The following TAF3 variants were observed in gnomAD, a reference collection of about 807,000 sequenced individuals.
TAF3 encodes transcription initiation factor TFIID subunit 3.
Under a neutral mutation model 80.6 loss-of-function variants are expected in TAF3, and 7 were observed. The ratio of observed to expected loss-of-function variants is 0.09; its 90% confidence interval spans 0.05 to 0.16. The LOEUF (loss-of-function observed/expected upper bound fraction) is 0.16. Among genes scored for constraint, TAF3 ranks in the 10% least tolerant of loss-of-function variants. TAF3 has a pLI of 1.00. For synonymous variants in TAF3, 444 were observed against 446.1 expected, an observed-to-expected ratio of 1.00 and a Z score of 0.06; for missense variants, 921 against 1,140.2, an observed-to-expected ratio of 0.81 and a Z score of 2.77.
intron 2 of TAF3, among the ~76,000 whole-genome samples, chr10:7,896,641 CCTTCAGTATTGAGCTTT>C (rs1325585069): frequency 7.2e-5 from 11 of 152,284 alleles, no homozygotes; most frequent in African/African-American, 2.6e-4. Flanking sequence ...GATACTTTTT[CCTTCAGTATTGAGCTTT>C]TAGGAAAAGA....
At chr10:7,845,299 C>T (rs1564346015) in intron 2 of TAF3, among the ~76,000 whole-genome samples, 1 of 151,368 alleles carries the variant, frequency 6.6e-6, no homozygotes, top group Non-Finnish European at 1.5e-5. Flanking sequence ...CGCCGCCCTC[C>T]AGGTCTTTGT....
chr10:7,988,960 T>A (rs937682252), intron 4 of TAF3, among the ~76,000 whole-genome samples: 2 of 152,112 alleles, frequency 1.3e-5, no homozygotes, highest in African/African-American at 4.8e-5. Flanking sequence ...GTAAAAAAAA[T>A]GTGTGTCCTA....
At chr10:7,882,838 A>G (rs2131155949) in intron 2 of TAF3, among the ~76,000 whole-genome samples, 1 of 152,360 alleles carries the variant, frequency 6.6e-6, no homozygotes, top group Non-Finnish European at 1.5e-5. Context: ...GAATAGCACA[A>G]AGAATTCCTA....
intron 2 of TAF3, among the ~76,000 whole-genome samples, chr10:7,950,264 G>C (rs928877432): frequency 1.3e-5 from 2 of 152,184 alleles, no homozygotes; most frequent in African/African-American, 2.4e-5. Context: ...TAAAGGGAGA[G>C]AGATAGAGAA....
chr10:7,921,961 T>C (rs1837766914), intron 2 of TAF3, among the ~76,000 whole-genome samples: 1 of 152,132 alleles, frequency 6.6e-6, no homozygotes, highest in African/African-American at 2.4e-5. Flanking sequence ...TTAATAGATA[T>C]ATTGAAATAT....
At chr10:7,959,741 A>G (rs1373122447) in intron 2 of TAF3, among the ~76,000 whole-genome samples, 2 of 152,246 alleles carry the variant, frequency 1.3e-5, no homozygotes, top group African/African-American at 4.8e-5. Context: ...CCTTCATTCA[A>G]AGGCCTATCT....
chr10:7,856,858 C>CAAAAAAAAAAA lies in TAF3; in HGVS notation c.409+32310_409+32320dup, dbSNP rs57207229. On this transcript the variant is annotated intron_variant, in intron 2 of 6. Coordinates refer to ENST00000344293, the MANE Select transcript of TAF3 (RefSeq NM_031923.4). ...TGGTAAATGTTTAACAGCTGGTTCT[C>CAAAAAAAAAAA]AAAAAAAAAAAAAAAAAAAAAAGCA... Among the ~76,000 whole-genome samples, 6 of 91,140 alleles carry CAAAAAAAAAAA rather than the reference C, an allele frequency of 6.6e-5. 1 individual carries two copies. The highest frequency in any genetic ancestry group is 1.2e-4 in the African/African-American group (3 of 24,284). The allele number at this position is 91,140 out of a possible 152,430, so 59.8% of individuals were successfully genotyped here. A position where few individuals can be genotyped will look rare whatever the true frequency, so the allele number is the denominator to read the frequency against.
chr10:7,960,426 A>G (rs950690849), intron 2 of TAF3, among the ~76,000 whole-genome samples: 1 of 152,240 alleles, frequency 6.6e-6, no homozygotes, highest in Non-Finnish European at 1.5e-5. Context: ...TGTTGCATGT[A>G]TAACTGGAAC....
chr10:7,925,814 A>AAG (rs59207049), intron 2 of TAF3, among the ~76,000 whole-genome samples: 21,854 of 133,176 alleles, frequency 0.16, 2,027 homozygotes, highest in East Asian at 0.31. Flanking sequence ...AAAAAAAAAG[A>AAG]AAAGAAAAGA....
At chr10:7,876,154 C>T (rs374651811) in intron 2 of TAF3, among the ~76,000 whole-genome samples, 4 of 151,938 alleles carry the variant, frequency 2.6e-5, no homozygotes, top group East Asian at 1.9e-4. Context: ...TAATTTTGTG[C>T]GGTGTTTTAT....
chr10:8,009,031 G>C lies in TAF3; in HGVS notation c.2316-47G>C. Reference sequence around the variant, plus strand: ...ATGTTTTTAAGCACGGGTTTGGTTCGATGATGATCCTGTTTTGACTTTTAC... The same window carrying C: ...ATGTTTTTAAGCACGGGTTTGGTTCCATGATGATCCTGTTTTGACTTTTAC... On this transcript the variant is annotated intron_variant, in intron 4 of 6. Transcript: ENST00000344293. This position sits in a 1 kb window ranked among gnomAD's most constrained non-coding sequence, Gnocchi z 4.1. 6.4e-7 allele frequency: 1 copy of C among 1,564,980 alleles called. No individual in the cohort carries two copies. Among genetic ancestry groups the C allele is most frequent in the African/African-American group, 1.4e-5 (1 of 73,336 alleles).
chr10:7,930,455 C>T (rs563616745), intron 2 of TAF3, among the ~76,000 whole-genome samples: 1 of 152,250 alleles, frequency 6.6e-6, no homozygotes, highest in Non-Finnish European at 1.5e-5. Flanking sequence ...TTTTTCTGCT[C>T]CTCTAACACA....
Position 7,898,739 on chromosome 10 carries a change from G to GT in TAF3, c.410-65175dup, listed in dbSNP as rs550097223. 5.9e-3 allele frequency among the ~76,000 whole-genome samples: 893 copies of GT among 152,006 alleles called. 6 individuals are homozygous for GT. Among genetic ancestry groups the GT allele is most frequent in the Non-Finnish European group, 8.9e-3 (603 of 67,950 alleles). On this transcript the variant is annotated intron_variant, in intron 2 of 6. Coordinates refer to ENST00000344293, the MANE Select transcript of TAF3 (RefSeq NM_031923.4). ...TCTTTAAGCTCTTCAGACAATTAAT[G>GT]TTTTTTCCTTTCACTCTGAGAATAT...
chr10:7,976,456 C>T (rs1319068510), intron 3 of TAF3, among the ~76,000 whole-genome samples: 2 of 151,270 alleles, frequency 1.3e-5, no homozygotes, highest in East Asian at 1.9e-4. Flanking sequence ...GCTGTGTTGC[C>T]CAGGCTGGAG....
At chr10:7,908,039 G>A (rs1274948367) in intron 2 of TAF3, among the ~76,000 whole-genome samples, 1 of 152,164 alleles carries the variant, frequency 6.6e-6, no homozygotes, top group Admixed American at 6.5e-5. Context: ...TATGGAATTC[G>A]CCCTGTGCCC....
chr10:7,853,509 A>C (rs1837049101), intron 2 of TAF3, among the ~76,000 whole-genome samples: 1 of 152,236 alleles, frequency 6.6e-6, no homozygotes, highest in East Asian at 1.9e-4. Context: ...TTCCATTGTA[A>C]GTAGTACCAA....
In TAF3 at chr10:7,900,628, A is replaced by G. The variant is rs567684176; in HGVS notation, c.410-63292A>G. On this transcript the variant is annotated intron_variant, in intron 2 of 6. Coordinates refer to ENST00000344293, the MANE Select transcript of TAF3 (RefSeq NM_031923.4). ...CTCAACTAGGAAAAGGTAGAAAGTTATGAAATGATTCAGATTCTTTTAATT... is the reference window on the plus strand; with the variant it reads ...CTCAACTAGGAAAAGGTAGAAAGTTGTGAAATGATTCAGATTCTTTTAATT... 1.5e-4 allele frequency among the ~76,000 whole-genome samples: 23 copies of G among 152,372 alleles called. No individual in the cohort carries two copies. In the South Asian group the frequency reaches 3.9e-3, roughly 26 times the overall value.
At chr10:7,892,118 G>A (rs773797662) in intron 2 of TAF3, among the ~76,000 whole-genome samples, 10 of 152,032 alleles carry the variant, frequency 6.6e-5, no homozygotes, top group Non-Finnish European at 1.2e-4. Context: ...ACAACTTTAT[G>A]CATTACAAAA....
At position 8,009,215 on chromosome 10, in the gene TAF3, T is replaced by C; in HGVS notation, c.2453T>C (p.Leu818Pro). The C allele has an allele frequency of 6.9e-7, 1 of 1,453,162 alleles. No individual in the cohort carries two copies. The allele number at this position is 1,453,162 out of a possible 1,614,324, so 90.0% of individuals were successfully genotyped here. ...CCTGCGCCCGTGCCGCTGCCGCTGCTCGCCCAGGCCGCCGCGGGCCCTGCC... is the reference window on the plus strand; with the variant it reads ...CCTGCGCCCGTGCCGCTGCCGCTGCCCGCCCAGGCCGCCGCGGGCCCTGCC... ...VSPAPVPLPL[L>P]AQAAAGPALL... is the part of the protein sequence containing the mutation. The change falls in exon 5 of 7, where the codon CTC becomes CCC. Residue 818 changes from leucine (L) to proline (P), a missense_variant. Leu to Pro is a moderately conservative substitution (Grantham distance 98). Around this residue, in one of 6 missense-constraint regions of TAF3, gnomAD observed 743 missense variants for 821.0 expected, o/e 0.90. Coordinates refer to ENST00000344293, the MANE Select transcript of TAF3 (RefSeq NM_031923.4). This position sits in a 1 kb window ranked among gnomAD's most constrained non-coding sequence, Gnocchi z 4.1.
Sources: gnomAD v4.1 joint callset for allele counts (sites outside exome capture counted in the v4.1 genomes callset) on GRCh38, gnomAD v4.1.1 for gene constraint, gnomAD v4.1.1 regional missense constraint, Gnocchi (gnomAD v3.1) non-coding constraint, MANE v1.5 for transcripts, NCBI Gene and HGNC (gene_info 2026-07-23, HGNC 2026-07-21) for gene names.